The following FER variants were observed in gnomAD, a reference collection of about 807,000 sequenced individuals.
FER encodes FER tyrosine kinase.
FER carries 63 observed loss-of-function variants against 111.0 expected under a neutral mutation model. That is an observed-to-expected ratio of 0.57 (90% CI 0.46 to 0.70). FER has a LOEUF of 0.70. FER is among the 30% of genes least tolerant of loss of function. The pLI is 0.00. For synonymous variants in FER, 327 were observed against 313.9 expected, an observed-to-expected ratio of 1.04 and a Z score of -0.44; for missense variants, 914 against 954.0, an observed-to-expected ratio of 0.96 and a Z score of 0.55.
intron 17 of FER, among the ~76,000 whole-genome samples, chr5:109,145,040 T>C (rs1753925854): frequency 6.6e-6 from 1 of 152,020 alleles, no homozygotes; most frequent in Non-Finnish European, 1.5e-5. Context: ...TAGTTGTTTT[T>C]TTTTTTATGA....
At chr5:109,162,992 T>G (rs1756150771) in intron 17 of FER, among the ~76,000 whole-genome samples, 1 of 152,152 alleles carries the variant, frequency 6.6e-6, no homozygotes, top group Non-Finnish European at 1.5e-5. Context: ...TCACACTGTT[T>G]TGCAGTCAGT....
intron 13 of FER, among the ~76,000 whole-genome samples, chr5:108,989,612 A>G (rs759717592): frequency 8.6e-5 from 13 of 151,908 alleles, no homozygotes; most frequent in African/African-American, 1.2e-4. Context: ...AACTTAACTA[A>G]TATTACATAT....
intron 10 of FER, among the ~76,000 whole-genome samples, chr5:108,901,442 G>T (rs1029077244): frequency 2.6e-5 from 4 of 152,080 alleles, no homozygotes; most frequent in African/African-American, 7.2e-5. Context: ...TGAGGAGATA[G>T]GTTGTTAAAT....
intron 9 of FER, among the ~76,000 whole-genome samples, chr5:108,884,805 T>C (rs1421837276): frequency 6.6e-6 from 1 of 152,054 alleles, no homozygotes; most frequent in Non-Finnish European, 1.5e-5. Context: ...TCCCACTTAG[T>C]TTTCAAAGTC....
At chr5:108,860,722 T>C (rs1763433245) in intron 5 of FER, among the ~76,000 whole-genome samples, 1 of 152,194 alleles carries the variant, frequency 6.6e-6, no homozygotes, top group Non-Finnish European at 1.5e-5. Flanking sequence ...AATTGTGAAA[T>C]TGAGCAGCGT....
chr5:109,152,849 A>G (rs1415837855), intron 17 of FER, among the ~76,000 whole-genome samples: 3 of 151,952 alleles, frequency 2.0e-5, no homozygotes, highest in Non-Finnish European at 2.9e-5. Flanking sequence ...TCGTAATAAA[A>G]CTTTCATTGT....
At chr5:109,032,354 T>TA (rs1769754907) in intron 13 of FER, among the ~76,000 whole-genome samples, 1 of 152,184 alleles carries the variant, frequency 6.6e-6, no homozygotes, top group Non-Finnish European at 1.5e-5. Context: ...TGAACACACT[T>TA]ACATTTCCTC....
intron 16 of FER, among the ~76,000 whole-genome samples, chr5:109,061,623 G>A (rs1463083962): frequency 3.9e-5 from 6 of 152,130 alleles, no homozygotes; most frequent in African/African-American, 1.4e-4. Context: ...ATACTCTGTG[G>A]ATGAAAACAT....
intron 5 of FER, among the ~76,000 whole-genome samples, chr5:108,851,407 A>T (rs995479062): frequency 2.6e-5 from 4 of 152,186 alleles, no homozygotes; most frequent in African/African-American, 9.7e-5. Context: ...GCCATGATTC[A>T]GTTACCTCCC....
chr5:108,924,502 C>T (rs1278381336), intron 10 of FER: 1 of 812,548 alleles, frequency 1.2e-6, no homozygotes, highest in African/African-American at 1.8e-5. Flanking sequence ...TAATCCAGAA[C>T]TGACTAGTAT....
chr5:108,863,153 T>C (rs1262920386), intron 5 of FER, among the ~76,000 whole-genome samples: 1 of 152,104 alleles, frequency 6.6e-6, no homozygotes, highest in African/African-American at 2.4e-5. Context: ...AGAGTCTAGC[T>C]CTGTTGCCCA....
chr5:108,749,278 C>T (rs1156843680), intron 1 of FER, among the ~76,000 whole-genome samples: 3 of 152,154 alleles, frequency 2.0e-5, no homozygotes, highest in Non-Finnish European at 1.5e-5. Context: ...CACACCCAGC[C>T]CCACGAGGGC....
At chr5:108,784,156 G>T in intron 2 of FER, 1 of 154,630 alleles carries the variant, frequency 6.5e-6, no homozygotes, top group South Asian at 1.8e-4. Flanking sequence ...GGGTAAACCA[G>T]ACCACTGCTA....
chr5:108,965,216 G>A (rs1019447077), intron 13 of FER, among the ~76,000 whole-genome samples: 1 of 152,008 alleles, frequency 6.6e-6, no homozygotes, highest in Non-Finnish European at 1.5e-5. Context: ...TGTCGGTCTT[G>A]GATTTGAGCA....
intron 16 of FER, 41 bp downstream of exon 16, chr5:109,047,239 G>GTCA: frequency 1.8e-6 from 2 of 1,141,034 alleles, no homozygotes; most frequent in Non-Finnish European, 2.6e-6. Context: ...ACATTTTAAT[G>GTCA]TCATGTTTTA....
At chr5:108,815,899 C>A (rs61328923) in intron 3 of FER, among the ~76,000 whole-genome samples, 13,510 of 152,074 alleles carry the variant, frequency 0.089, 732 homozygotes, top group African/African-American at 0.16. Flanking sequence ...GGCTATAGAG[C>A]CACTTCTGCT....
At chr5:109,125,193 GT>G (rs1467962266) in intron 17 of FER, among the ~76,000 whole-genome samples, 2 of 151,474 alleles carry the variant, frequency 1.3e-5, no homozygotes, top group African/African-American at 2.4e-5. Context: ...ATTATTATCT[GT>G]TTTTTTTCCT....
chr5:108,934,433 A>G lies in FER; in HGVS notation c.1237-11697A>G, dbSNP rs377408837. ...GATAGAATAAAAATTATGGCCCAGT[A>G]ATTTTCACACTTATTTTTAATGTTA... On this transcript the variant is annotated intron_variant, in intron 10 of 19. Coordinates refer to ENST00000281092, the MANE Select transcript of FER (RefSeq NM_005246.4). Among the ~76,000 whole-genome samples the G allele has an allele frequency of 3.2e-4, 48 of 152,286 alleles. No individual in the cohort carries two copies. In the South Asian group the frequency reaches 9.3e-3, roughly 30 times the overall value.
chr5:108,789,723 C>T (rs1180738948), intron 2 of FER, among the ~76,000 whole-genome samples: 1 of 151,860 alleles, frequency 6.6e-6, no homozygotes, highest in African/African-American at 2.4e-5. Context: ...GTGTCTCAGA[C>T]TCCCAAGTAG....
Sources: allele counts gnomAD v4.1 joint callset (sites outside exome capture counted in the v4.1 genomes callset), GRCh38; gene constraint gnomAD v4.1.1; transcripts MANE v1.5; gene names NCBI Gene and HGNC (gene_info 2026-07-23, HGNC 2026-07-21).